HEATR4: variants seen among roughly 807,000 people sequenced by gnomAD.
The protein encoded by HEATR4 is HEAT repeat containing 4, also known as HEAT repeat-containing protein 4.
A neutral mutation model predicts 108.8 loss-of-function variants in HEATR4; 95 were observed. The observed-to-expected ratio is 0.87, with a 90% CI of 0.74 to 1.04. HEATR4 has a LOEUF of 1.04. Ranked by LOEUF, HEATR4 falls within the 50% of genes least tolerant of loss-of-function variation. The probability of loss-of-function intolerance (pLI) is 0.00; values close to 1 mark genes in which losing one functional copy is unlikely to be tolerated. For synonymous variants in HEATR4, 443 were observed against 459.4 expected (o/e 0.96, Z 0.46); for missense variants, 1,152 against 1,253.8 (o/e 0.92, Z 1.23).
chr14:73,491,443 G>A (rs975485799), intron 17 of HEATR4: 2 of 1,383,828 alleles, frequency 1.4e-6, no homozygotes, highest in African/African-American at 3.1e-5. Flanking sequence ...CGGTCCGGGT[G>A]GTGGAGACCT....
chr14:73,482,408 G>A (rs895327172), intron 17 of HEATR4, among the ~76,000 whole-genome samples: 6 of 152,240 alleles, frequency 3.9e-5, no homozygotes, highest in Non-Finnish European at 5.9e-5. Flanking sequence ...TGTAATCCTA[G>A]CTACTCAGGA....
At chr14:73,488,756 C>T (rs1472731444) in intron 17 of HEATR4, among the ~76,000 whole-genome samples, 1 of 152,196 alleles carries the variant, frequency 6.6e-6, no homozygotes, top group Non-Finnish European at 1.5e-5. Context: ...GGCACCGCGG[C>T]TCATGCCTGT....
At chr14:73,604,210 G>A in the HEATR4 span, among the ~76,000 whole-genome samples, 1 of 130,016 alleles carries the variant, frequency 7.7e-6, no homozygotes, top group African/African-American at 3.0e-5. Context: ...TATAACCCAG[G>A]CTGGACTGCA....
the HEATR4 span, chr14:73,581,155 T>A: frequency 6.7e-6 from 1 of 148,436 alleles, no homozygotes; most frequent in Non-Finnish European, 1.5e-5. Flanking sequence ...TTTCTTGTGG[T>A]GAGGACACTT....
chr14:73,592,163 G>A, the HEATR4 span: 1 of 1,602,414 alleles, frequency 6.2e-7, no homozygotes, highest in Non-Finnish European at 8.5e-7. Context: ...CACCCGCGCT[G>A]GGCGGCAGCT....
chr14:73,564,941 T>G, the HEATR4 span, among the ~76,000 whole-genome samples: 1 of 151,974 alleles, frequency 6.6e-6, no homozygotes, highest in Non-Finnish European at 1.5e-5. Context: ...TATACTGTTC[T>G]CTAACCTGCT....
the HEATR4 span, among the ~76,000 whole-genome samples, chr14:73,589,881 G>A: frequency 3.3e-5 from 5 of 152,148 alleles, no homozygotes; most frequent in Admixed American, 1.3e-4. Flanking sequence ...AAGTGAAGCT[G>A]CAAACCTTTG....
At chr14:73,518,418 A>G (rs1887763117) in intron 5 of HEATR4, among the ~76,000 whole-genome samples, 1 of 152,154 alleles carries the variant, frequency 6.6e-6, no homozygotes, top group Admixed American at 6.5e-5. Context: ...AAAAGAAAAA[A>G]AAAAAAAAGG....
rs1358672455 is a variant in HEATR4, at chr14:73,522,865, G to C, written c.288C>G (p.Leu96=). 6.2e-7 allele frequency: 1 copy of C among 1,614,088 alleles called. No homozygotes were observed. Among genetic ancestry groups the C allele is most frequent in the East Asian group, 2.2e-5 (1 of 44,900 alleles). The stretch of plus-strand genomic sequence containing the variant: ...TATGGATGATGTCATTGGTATTGTA[G>C]AGGTGGTCAAAGCTGTACTGGCTAT... The part of the protein sequence containing the change: ...IPYSQYSFDH[L]YNTNDIIHTP... The change falls in exon 3 of 18, where the codon CTC becomes CTG. Residue 96 remains leucine (L), a synonymous_variant. Transcript: ENST00000553558.
At chr14:73,593,849 A>G in the HEATR4 span, 5 of 1,613,924 alleles carry the variant, frequency 3.1e-6, no homozygotes, top group Non-Finnish European at 4.2e-6. Context: ...AACATGGACA[A>G]CATATCCCTG....
rs1291301963 is a variant in HEATR4, at chr14:73,499,212, G to C, written c.2287-72C>G. On this transcript the variant is annotated intron_variant, in intron 12 of 17. Transcript: ENST00000553558. ...TGAACCAGAAACAGCTGGGTGCGGT[G>C]GTGCACCCCTGTAATCCCAGCATTT... 2.3e-6 allele frequency: 3 copies of C among 1,278,624 alleles called. No individual in the cohort carries two copies. In the African/African-American group the frequency reaches 4.4e-5, roughly 19 times the overall value. 79.2% of individuals were successfully genotyped at this position (1,278,624 alleles called of 1,614,324 possible). A position where few individuals can be genotyped will look rare whatever the true frequency, so the allele number is the denominator to read the frequency against.
intron 2 of HEATR4, among the ~76,000 whole-genome samples, chr14:73,524,310 A>AAAAAAAATATATATATATATATATAT: frequency 1.8e-5 from 1 of 54,780 alleles, no homozygotes; most frequent in African/African-American, 8.8e-5. Context: ...AAAAAAAAAA[A>AAAAAAAATATATATATATATATATAT]ATATATATAT....
chr14:73,578,770 G>A, the HEATR4 span, among the ~76,000 whole-genome samples: 1 of 151,608 alleles, frequency 6.6e-6, no homozygotes, highest in South Asian at 2.1e-4. Flanking sequence ...CCTGACCAAT[G>A]TGATGAAACC....
rs769362135 is a variant in HEATR4 at position 73,492,780 on chromosome 14, A to G, written c.2844+286T>C. The G allele has an allele frequency of 1.2e-6, 2 of 1,613,678 alleles. No individual in the cohort carries two copies. Among genetic ancestry groups the G allele is most frequent in the East Asian group, 2.2e-5 (1 of 44,888 alleles). On this transcript the variant is annotated intron_variant, in intron 17 of 17. Coordinates refer to ENST00000553558, the MANE Select transcript of HEATR4 (RefSeq NM_001220484.1). This position sits in a 1 kb window ranked among gnomAD's most constrained non-coding sequence, Gnocchi z 4.9. ...GAAGAACCCAAGTGCTTGGAAATAT[A>G]CCCCCAGCAAGCTGATGCCATGGAA...
chr14:73,607,875 C>T, the HEATR4 span, among the ~76,000 whole-genome samples: 33 of 151,980 alleles, frequency 2.2e-4, no homozygotes, highest in African/African-American at 7.5e-4. Context: ...CCACCCACCT[C>T]GGCCTCCCAA....
the HEATR4 span, among the ~76,000 whole-genome samples, chr14:73,567,106 C>A: frequency 6.6e-6 from 1 of 152,016 alleles, no homozygotes; most frequent in Non-Finnish European, 1.5e-5. Context: ...CGCGCCCATC[C>A]CCTTTTTCTT....
At chr14:73,493,221 T>G in intron 16 of HEATR4, 97 bp from the exon 17 acceptor site, 1 of 985,172 alleles carries the variant, frequency 1.0e-6, no homozygotes, top group Non-Finnish European at 1.6e-6. Flanking sequence ...CAGGCTTCAG[T>G]GTACTGGGTA....
chr14:73,617,075 T>C, the HEATR4 span: 2 of 1,465,904 alleles, frequency 1.4e-6, no homozygotes, highest in Non-Finnish European at 1.9e-6. Context: ...TGGCCGGACA[T>C]GGTTTTGCTG....
chr14:73,506,809 T>TTTTTTTTTTGTTTTTTG (rs1886877370), intron 9 of HEATR4, among the ~76,000 whole-genome samples: 1 of 112,530 alleles, frequency 8.9e-6, no homozygotes, highest in African/African-American at 4.6e-5. Flanking sequence ...TAACTGTTTT[T>TTTTTTTTTTGTTTTTTG]TTTTTTTTTT....
Sources: allele counts gnomAD v4.1 joint callset (sites outside exome capture counted in the v4.1 genomes callset), GRCh38; gene constraint gnomAD v4.1.1; non-coding constraint Gnocchi (gnomAD v3.1); transcripts MANE v1.5; gene names NCBI Gene and HGNC (gene_info 2026-07-23, HGNC 2026-07-21).